Variants in COL2A1 observed in about 807,000 individuals in gnomAD.
COL2A1 encodes collagen type II alpha 1 chain.
COL2A1 carries 28 observed loss-of-function variants against 204.5 expected under a neutral mutation model. The ratio of observed to expected loss-of-function variants is 0.14; its 90% CI spans 0.10 to 0.19. The LOEUF is 0.19. COL2A1 is among the 10% of genes least tolerant of loss of function. The pLI, the probability that COL2A1 is intolerant of heterozygous loss-of-function variation, is 1.00. For synonymous variants in COL2A1, 708 were observed against 718.7 expected, an observed-to-expected ratio of 0.99 and a Z score of 0.24; for missense variants, 1,388 against 2,027.5, an observed-to-expected ratio of 0.68 and a Z score of 6.06.
intron 45 of COL2A1, 50 bp downstream of exon 45, chr12:47,977,550 G>A (rs1193351486): frequency 1.2e-5 from 19 of 1,610,846 alleles, no homozygotes; most frequent in Middle Eastern, 1.6e-4. Context: ...TGTCAGGCCC[G>A]AGGCAATGTC....
intron 16 of COL2A1, among the ~76,000 whole-genome samples, chr12:47,991,633 GCCTAACTA>G (rs1283378864): frequency 1.3e-5 from 2 of 152,206 alleles, no homozygotes; most frequent in Non-Finnish European, 2.9e-5. Context: ...CACGCTGCCA[GCCTAACTA>G]CCGTGCGGAC....
At chr12:48,002,698 C>G (rs1592242115) in intron 1 of COL2A1, 2 of 152,396 alleles carry the variant, frequency 1.3e-5, no homozygotes, top group Middle Eastern at 3.4e-3. Context: ...AAGAAGACAG[C>G]TTTGTGGGCG....
Position 47,986,901 on chromosome 12 carries a change from G to A in COL2A1, c.1366-13C>T, listed in dbSNP as rs200984998. On this transcript the variant is annotated splice_polypyrimidine_tract_variant and intron_variant, in intron 21 of 53. Transcript: ENST00000380518. ...TACCAGGTTCACCCTTGAAAAGAGA[G>A]GCAGGTCCTCACACCAGATTCTCTC... 1 of 1,614,152 alleles carries A rather than the reference G, an allele frequency of 6.2e-7. No individual in the cohort carries two copies. The highest frequency in any genetic ancestry group is 1.3e-5 in the African/African-American group (1 of 75,048).
chr12:47,981,314 G>A (rs1939067808), intron 37 of COL2A1, 29 bp downstream of exon 37: 2 of 1,609,808 alleles, frequency 1.2e-6, no homozygotes, highest in Non-Finnish European at 1.7e-6. Flanking sequence ...GCCTCGGGCA[G>A]AGCCAGGCTC....
At position 47,976,640 on chromosome 12, in the gene COL2A1, A is replaced by G. The variant is rs41272761; in HGVS notation, c.3436-73T>C. 6,896 of 1,512,066 alleles carry G rather than the reference A, an allele frequency of 4.6e-3. 281 individuals carry two copies. The African/African-American group carries it at 0.081, about 18-fold the overall frequency. 93.7% of individuals were successfully genotyped at this position (1,512,066 alleles called of 1,614,324 possible). On this transcript the variant is annotated intron_variant, in intron 48 of 53. Coordinates refer to ENST00000380518, the MANE Select transcript of COL2A1 (RefSeq NM_001844.5). This position sits in a 1 kb window ranked among gnomAD's most constrained non-coding sequence, Gnocchi z 4.3. ...TATCTATATTCTGGGAGCTGGGGGAACAGCTTTATGTCCCAGCCCCATTCC... is the reference window on the plus strand; with the variant it reads ...TATCTATATTCTGGGAGCTGGGGGAGCAGCTTTATGTCCCAGCCCCATTCC...
rs771124145 is a variant in COL2A1 at position 48,000,144 on chromosome 12, G to A, written c.86-19C>T. On this transcript the variant is annotated intron_variant, in intron 1 of 53. Coordinates refer to ENST00000380518, the MANE Select transcript of COL2A1 (RefSeq NM_001844.5). ...GCCTCCTCTGCACCAAGGGTGGGGA[G>A]GGAGAAGCAGAGAGCCAAGGGAAGG... The A allele has an allele frequency of 3.8e-6, 6 of 1,594,200 alleles. No homozygotes were observed. The South Asian group carries it at 5.5e-5, about 15-fold the overall frequency.
At chr12:47,981,677 A>G (rs529719438) in intron 36 of COL2A1, 99 bp downstream of exon 36, 2 of 1,325,050 alleles carry the variant, frequency 1.5e-6, no homozygotes, top group African/African-American at 2.9e-5. Flanking sequence ...CGAGGGTGAC[A>G]GTGGTGAGGG....
At chr12:47,994,142 C>T in intron 12 of COL2A1, 95 bp from the exon 13 acceptor site, 1 of 1,407,500 alleles carries the variant, frequency 7.1e-7, no homozygotes, top group Non-Finnish European at 1.0e-6. Context: ...CCTTGGGCCA[C>T]CAGGGCGTTG....
At chr12:47,973,852 G>A (rs1938555550) in intron 53 of COL2A1, among the ~76,000 whole-genome samples, 1 of 152,178 alleles carries the variant, frequency 6.6e-6, no homozygotes, top group African/African-American at 2.4e-5. Flanking sequence ...CACTTCTACA[G>A]TAGTCACTGG....
intron 52 of COL2A1, 120 bp downstream of exon 52, chr12:47,974,555 C>T: frequency 7.5e-7 from 1 of 1,327,634 alleles, no homozygotes; most frequent in South Asian, 1.2e-5. Flanking sequence ...TCCCTCCTCT[C>T]AAGCCCAACA....
rs1939823565 is a variant in COL2A1, at chr12:47,993,874, G to A, written c.871-12C>T. 5 of 1,614,180 alleles carry A rather than the reference G, an allele frequency of 3.1e-6. No individual in the cohort carries two copies. Among genetic ancestry groups the A allele is most frequent in the Non-Finnish European group, 3.4e-6 (4 of 1,180,018 alleles). On this transcript the variant is annotated splice_polypyrimidine_tract_variant and intron_variant, in intron 13 of 53. Coordinates refer to ENST00000380518, the MANE Select transcript of COL2A1 (RefSeq NM_001844.5). ...AGGCCTGGATAACCCTAGGGAACAA[G>A]AGAAAATGTTCAATCAGACTTCTGG... is the stretch of plus-strand genomic sequence containing the variant.
At chr12:48,002,011 G>C (rs948053055) in intron 1 of COL2A1, among the ~76,000 whole-genome samples, 3 of 152,150 alleles carry the variant, frequency 2.0e-5, no homozygotes, top group Non-Finnish European at 4.4e-5. Context: ...GGCACAGGGG[G>C]GCATTGTGGG....
At chr12:48,000,201 A>G in intron 1 of COL2A1, 76 bp from the exon 2 acceptor site, 1 of 1,039,994 alleles carries the variant, frequency 9.6e-7, no homozygotes, top group Non-Finnish European at 1.5e-6. Context: ...AAAAAGAGAG[A>G]GGTTGCAGTC....
At chr12:47,998,360 G>T in intron 3 of COL2A1, 55 bp downstream of exon 3, 1 of 1,535,524 alleles carries the variant, frequency 6.5e-7, no homozygotes, top group Non-Finnish European at 9.0e-7. Flanking sequence ...TGCTTTTGAA[G>T]CAGAAAATAT....
chr12:47,985,335 A>C (rs1207149096), intron 26 of COL2A1, among the ~76,000 whole-genome samples, 199 bp downstream of exon 26: 1 of 152,204 alleles, frequency 6.6e-6, no homozygotes, highest in Non-Finnish European at 1.5e-5. Context: ...CCCCGAATGC[A>C]TACTGGGGTG....
intron 33 of COL2A1, 83 bp from the exon 34 acceptor site, chr12:47,982,692 C>T (rs1441831424): frequency 1.6e-6 from 2 of 1,279,648 alleles, no homozygotes; most frequent in Non-Finnish European, 2.2e-6. Flanking sequence ...TAACCAGGGC[C>T]CCAAACCCCT....
In COL2A1 at chr12:47,973,330, C is replaced by A; in HGVS notation, c.*77G>T. 6.3e-7 allele frequency: 1 copy of A among 1,599,562 alleles called. No individual in the cohort carries two copies. Among genetic ancestry groups the A allele is most frequent in the Non-Finnish European group, 8.6e-7 (1 of 1,166,790 alleles). The stretch of plus-strand genomic sequence containing the variant: ...TCAGGTCAGCCATTCAGTGCAGAGT[C>A]CTAGAGTGACTGAGATTGGAAAGTA... On this transcript the variant is annotated 3_prime_UTR_variant, in exon 54 of 54. Transcript: ENST00000380518.
chr12:47,990,006 C>CT (rs35920899), intron 16 of COL2A1, among the ~76,000 whole-genome samples: 24 of 151,910 alleles, frequency 1.6e-4, no homozygotes, highest in South Asian at 2.1e-4. Context: ...TTCTTCTAAT[C>CT]TTTTTTTGTT....
At chr12:47,992,212 C>T (rs565786416) in intron 16 of COL2A1, among the ~76,000 whole-genome samples, 78 of 152,264 alleles carry the variant, frequency 5.1e-4, no homozygotes, top group Middle Eastern at 3.4e-3. Context: ...CATCAGCTGC[C>T]AATCCCCTCA....
Sources: allele counts gnomAD v4.1 joint callset (sites outside exome capture counted in the v4.1 genomes callset), GRCh38; gene constraint gnomAD v4.1.1; non-coding constraint Gnocchi (gnomAD v3.1); transcripts MANE v1.5; gene names NCBI Gene and HGNC (gene_info 2026-07-23, HGNC 2026-07-21).